Variants in RYR2 observed in about 807,000 individuals in gnomAD.
RYR2 encodes the protein cardiac muscle ryanodine receptor-calcium release channel.
Under a neutral mutation model 601.1 loss-of-function variants are expected in RYR2, and 227 were observed. The observed-to-expected ratio is 0.38, with a 90% CI of 0.34 to 0.42. The LOEUF is 0.42. RYR2 is among the 10% of genes least tolerant of loss of function. RYR2 has a pLI of 1.00. For missense variants in RYR2, 4,646 were observed against 6,156.5 expected, an observed-to-expected ratio of 0.75 and a Z score of 8.21; for synonymous variants, 2,223 against 2,175.1, an observed-to-expected ratio of 1.02 and a Z score of -0.61.
At position 237,674,173 on chromosome 1, in the gene RYR2, C is replaced by A. The variant is rs2148908970; in HGVS notation, c.8668C>A (p.Gln2890Lys). ...KEKAKDREKAQDILKFLQING... is the reference protein window; with the variant it reads ...KEKAKDREKAKDILKFLQING... ...GAAAGCCAAGGATAGAGAAAAAGCA[C>A]AGGACATCCTCAAGTTCTTGCAGAT... Residue 2890 changes from glutamine (Q) to lysine (K), a missense_variant, in exon 59 of 105, where the codon CAG becomes AAG. Transcript: ENST00000366574. The A allele has an allele frequency of 6.2e-7, 1 of 1,612,502 alleles. No homozygotes were observed. Among genetic ancestry groups the A allele is most frequent in the Non-Finnish European group, 8.5e-7 (1 of 1,178,642 alleles).
chr1:237,812,706 C>T (rs1213945309), intron 100 of RYR2, among the ~76,000 whole-genome samples: 1 of 152,082 alleles, frequency 6.6e-6, no homozygotes. Flanking sequence ...GTAATACTTA[C>T]TTACATTTGC....
At chr1:237,556,452 C>T (rs994090827) in intron 27 of RYR2, among the ~76,000 whole-genome samples, 2 of 143,638 alleles carry the variant, frequency 1.4e-5, no homozygotes, top group South Asian at 2.4e-4. Flanking sequence ...ATGCGCCTGC[C>T]ACGAGGCCCG....
intron 1 of RYR2, among the ~76,000 whole-genome samples, chr1:237,157,106 G>A (rs1195335969): frequency 3.3e-5 from 5 of 151,868 alleles, no homozygotes; most frequent in African/African-American, 1.2e-4. Flanking sequence ...GACCAGCCTG[G>A]CCAGCATGGT....
In RYR2 at chr1:237,614,702, G is replaced by C; in HGVS notation, c.5574G>C (p.Glu1858Asp). The C allele has an allele frequency of 6.2e-7, 1 of 1,614,026 alleles. No homozygotes were observed. The highest frequency in any genetic ancestry group is 1.1e-5 in the South Asian group (1 of 91,084). Residue 1858 changes from glutamate to aspartate, a missense_variant, in exon 37 of 105, where the codon GAG becomes GAC. Glu to Asp is a conservative substitution (Grantham distance 45). Around this residue, in one of 17 missense-constraint regions of RYR2, gnomAD observed 1,807 missense variants for 2,088.1 expected, o/e 0.87. Coordinates refer to ENST00000366574, the MANE Select transcript of RYR2 (RefSeq NM_001035.3). This position sits in a 1 kb window ranked among gnomAD's most constrained non-coding sequence, Gnocchi z 4.3. ...PSVFKEAATPEEESDTLEKEL... is the reference protein window; with the variant it reads ...PSVFKEAATPDEESDTLEKEL... ...TGTTTAAAGAAGCTGCCACTCCGGA[G>C]GAGGAGAGTGACACGCTGGAGAAAG...
intron 2 of RYR2, among the ~76,000 whole-genome samples, chr1:237,283,046 C>A (rs555381138): frequency 1.3e-5 from 2 of 152,164 alleles, no homozygotes; most frequent in Non-Finnish European, 2.9e-5. Context: ...GAGGTATAAA[C>A]CTCCAGTTGG....
chr1:237,772,157 C>T (rs543469698), intron 86 of RYR2, 57 bp downstream of exon 86: 109 of 927,606 alleles, frequency 1.2e-4, no homozygotes, highest in African/African-American at 1.0e-3. Flanking sequence ...TGAAACAATA[C>T]GGCAGAGTTT....
At chr1:237,151,391 T>C (rs1310935822) in intron 1 of RYR2, among the ~76,000 whole-genome samples, 1 of 152,198 alleles carries the variant, frequency 6.6e-6, no homozygotes, top group Admixed American at 6.5e-5. Context: ...AAATGACTCT[T>C]AGCGATGCAT....
intron 79 of RYR2, 105 bp from the exon 80 acceptor site, chr1:237,742,191 A>G: frequency 1.4e-6 from 1 of 737,736 alleles, no homozygotes; most frequent in East Asian, 2.7e-5. Context: ...AAGGTTGATG[A>G]TAAATTAATA....
At chr1:237,527,961 C>T (rs561516749) in intron 24 of RYR2, among the ~76,000 whole-genome samples, 5 of 152,150 alleles carry the variant, frequency 3.3e-5, no homozygotes, top group Admixed American at 1.3e-4. Flanking sequence ...GCTTTGTCCC[C>T]CTGGCCCATG....
In RYR2 at chr1:237,712,006, T is replaced by C. The variant is rs1216242509; in HGVS notation, c.10323+169T>C. Among the ~76,000 whole-genome samples, 4 of 152,260 alleles carry C rather than the reference T, an allele frequency of 2.6e-5. No homozygotes were observed. The East Asian group carries it at 5.8e-4, about 22-fold the overall frequency. On this transcript the variant is annotated intron_variant, in intron 71 of 104. Coordinates refer to ENST00000366574, the MANE Select transcript of RYR2 (RefSeq NM_001035.3). ...CTGTTTTAAGGTTACTGGAATTTGT[T>C]TGAATCAGGCATGGTAAGACATGCA...
At chr1:237,249,865 C>T (rs993853222) in intron 1 of RYR2, among the ~76,000 whole-genome samples, 1 of 152,124 alleles carries the variant, frequency 6.6e-6, no homozygotes, top group African/African-American at 2.4e-5. Context: ...CACACAGGTG[C>T]AGCAAGAATA....
chr1:237,285,655 G>C (rs12061382), intron 2 of RYR2, among the ~76,000 whole-genome samples: 1 of 152,002 alleles, frequency 6.6e-6, no homozygotes, highest in Admixed American at 6.6e-5. Flanking sequence ...GTCTGGTCCT[G>C]GACATTTTTG....
At chr1:237,782,442 T>TAACTTCTTCCTATTTTCTCTC in intron 89 of RYR2, among the ~76,000 whole-genome samples, 1 of 152,322 alleles carries the variant, frequency 6.6e-6, no homozygotes, top group East Asian at 1.9e-4. Context: ...CACTTTTTCT[T>TAACTTCTTCCTATTTTCTCTC]AACTTCTTCC....
intron 10 of RYR2, among the ~76,000 whole-genome samples, chr1:237,414,582 C>A (rs944683271): frequency 4.6e-5 from 7 of 152,062 alleles, no homozygotes; most frequent in Non-Finnish European, 8.8e-5. Flanking sequence ...TTATGGGGTA[C>A]AATATGATAT....
In RYR2 at chr1:237,614,525, T is replaced by G; in HGVS notation, c.5397T>G (p.Val1799=). 1 of 1,614,034 alleles carries G rather than the reference T, an allele frequency of 6.2e-7. No individual in the cohort carries two copies. Among genetic ancestry groups the G allele is most frequent in the Non-Finnish European group, 8.5e-7 (1 of 1,179,886 alleles). The change falls in exon 37 of 105, where the codon GTT becomes GTG. Residue 1799 remains valine (V), a synonymous_variant. Coordinates refer to ENST00000366574, the MANE Select transcript of RYR2 (RefSeq NM_001035.3). The surrounding 1 kb of genome is among the most constrained non-coding windows in gnomAD (Gnocchi z 4.3). ...CCATACAGATGCTGACAGAAGCTGTTAAAGAGGGCAGTCTTCATGCCCGGG... is the reference window on the plus strand; with the variant it reads ...CCATACAGATGCTGACAGAAGCTGTGAAAGAGGGCAGTCTTCATGCCCGGG... ...SKTIQMLTEA[V]KEGSLHARDP...
chr1:237,497,351 G>A (rs1046269964), intron 20 of RYR2, among the ~76,000 whole-genome samples: 1 of 152,060 alleles, frequency 6.6e-6, no homozygotes, highest in African/African-American at 2.4e-5. Context: ...TAGCTTTGAT[G>A]GTTGAGTATA....
chr1:237,674,100 A>C lies in RYR2; in HGVS notation c.8595A>C (p.Gly2865=), dbSNP rs1573463108. ...KKKMELESKG[G]GNHPLLVPYD... ...CTTGTCCTGACATACTCTTAGGAGG[A>C]GGAAACCATCCTCTGCTGGTGCCCT... Residue 2865 remains glycine (G), a synonymous_variant, in exon 59 of 105, where the codon GGA becomes GGC. Coordinates refer to ENST00000366574, the MANE Select transcript of RYR2 (RefSeq NM_001035.3). 1 of 1,611,684 alleles carries C rather than the reference A, an allele frequency of 6.2e-7. No homozygotes were observed.
At chr1:237,289,925 A>C (rs542983333) in intron 2 of RYR2, among the ~76,000 whole-genome samples, 3 of 152,324 alleles carry the variant, frequency 2.0e-5, no homozygotes, top group East Asian at 1.9e-4. Flanking sequence ...GGTAATACAG[A>C]ACTTAAAATT....
chr1:237,087,077 A>T (rs1011684983), intron 1 of RYR2, among the ~76,000 whole-genome samples: 2 of 152,176 alleles, frequency 1.3e-5, no homozygotes, highest in Admixed American at 1.3e-4. Context: ...CGCGCAAGTG[A>T]AAGGCAGGAG....
Sources: allele counts gnomAD v4.1 joint callset (sites outside exome capture counted in the v4.1 genomes callset), GRCh38; gene constraint gnomAD v4.1.1; regional missense constraint gnomAD v4.1.1; non-coding constraint Gnocchi (gnomAD v3.1); transcripts MANE v1.5; gene names NCBI Gene and HGNC (gene_info 2026-07-23, HGNC 2026-07-21).